USP15: variants seen among roughly 807,000 people sequenced by gnomAD.
USP15 encodes ubiquitin specific peptidase 15.
USP15 carries 18 observed loss-of-function variants against 127.1 expected under a neutral mutation model. That is an observed-to-expected ratio of 0.14 (90% CI 0.10 to 0.21). The LOEUF (loss-of-function observed/expected upper bound fraction) is 0.21. Among genes scored for constraint, USP15 ranks in the 10% least tolerant of loss-of-function variants. The probability of loss-of-function intolerance (pLI) is 1.00; values close to 1 mark genes in which losing one functional copy is unlikely to be tolerated. For missense variants in USP15, 805 were observed against 1,159.9 expected, an observed-to-expected ratio of 0.69 and a Z score of 4.44; for synonymous variants, 364 against 393.7, an observed-to-expected ratio of 0.92 and a Z score of 0.89.
At chr12:62,383,251 C>A (rs2067043597) in intron 9 of USP15, among the ~76,000 whole-genome samples, 1 of 151,846 alleles carries the variant, frequency 6.6e-6, no homozygotes, top group African/African-American at 2.4e-5. Flanking sequence ...TTCCTCCAAG[C>A]CTTTGTTCAC....
intron 5 of USP15, among the ~76,000 whole-genome samples, chr12:62,323,649 A>G (rs1019714170): frequency 2.6e-5 from 4 of 152,214 alleles, no homozygotes; most frequent in Non-Finnish European, 5.9e-5. Context: ...TCCAGTAGAC[A>G]TAACCTCTCT....
intron 4 of USP15, among the ~76,000 whole-genome samples, chr12:62,319,442 C>G (rs1214229318): frequency 2.6e-5 from 4 of 152,134 alleles, no homozygotes; most frequent in African/African-American, 9.7e-5. Flanking sequence ...CATATCATGC[C>G]ACTTCTCTTC....
chr12:62,364,423 A>G (rs1194965654), intron 8 of USP15, among the ~76,000 whole-genome samples: 1 of 152,246 alleles, frequency 6.6e-6, no homozygotes, highest in African/African-American at 2.4e-5. Context: ...TGCATGGTGC[A>G]TAAAACAGAT....
At chr12:62,337,108 G>A (rs946262610) in intron 6 of USP15, among the ~76,000 whole-genome samples, 2 of 152,248 alleles carry the variant, frequency 1.3e-5, no homozygotes, top group Non-Finnish European at 2.9e-5. Flanking sequence ...AAACGCCTAA[G>A]TATTGGGAAG....
intron 6 of USP15, among the ~76,000 whole-genome samples, chr12:62,348,295 A>T (rs1447865181): frequency 6.6e-6 from 1 of 152,222 alleles, no homozygotes; most frequent in Non-Finnish European, 1.5e-5. Flanking sequence ...TGCATAATGC[A>T]TTGTAGATAT....
chr12:62,369,663 G>A (rs1195902075), intron 8 of USP15, among the ~76,000 whole-genome samples: 1 of 152,028 alleles, frequency 6.6e-6, no homozygotes, highest in Non-Finnish European at 1.5e-5. Context: ...TACTATATTT[G>A]ATACGTAATT....
intron 3 of USP15, among the ~76,000 whole-genome samples, chr12:62,312,097 TC>T (rs1168991144): frequency 6.7e-6 from 1 of 149,694 alleles, no homozygotes; most frequent in Non-Finnish European, 1.5e-5. Context: ...TTATCTGTTC[TC>T]ACTCAGGCTC....
At chr12:62,261,541 C>G (rs916437335) in intron 1 of USP15, among the ~76,000 whole-genome samples, 2 of 152,118 alleles carry the variant, frequency 1.3e-5, no homozygotes, top group Admixed American at 1.3e-4. Flanking sequence ...TGAGTTATGT[C>G]ACAGTTTCAC....
intron 1 of USP15, among the ~76,000 whole-genome samples, chr12:62,281,091 A>G (rs951614337): frequency 5.9e-5 from 9 of 152,154 alleles, no homozygotes; most frequent in Non-Finnish European, 1.0e-4. Context: ...ATTCCGTTCT[A>G]GTATTTTATC....
rs1479905493 is a variant in USP15 at position 62,390,756 on chromosome 12, AC to A, written c.1845-106del. 3 of 605,184 alleles carry A rather than the reference AC, an allele frequency of 5.0e-6. No homozygotes were observed. The East Asian group carries it at 8.9e-5, about 18-fold the overall frequency. The allele number at this position is 605,184 out of a possible 1,614,324, so 37.5% of individuals were successfully genotyped here. On this transcript the variant is annotated intron_variant, in intron 14 of 21. Coordinates refer to ENST00000280377, the MANE Select transcript of USP15 (RefSeq NM_001252078.2). Reference sequence around the variant, plus strand: ...AATTTATCTTTGAATCTACTAAGTGACCACTGTTACTGCATTAAAAAGTTTT... The same window carrying A: ...AATTTATCTTTGAATCTACTAAGTGACACTGTTACTGCATTAAAAAGTTTT...
chr12:62,326,947 T>C (rs1337250325), intron 6 of USP15, among the ~76,000 whole-genome samples: 1 of 151,732 alleles, frequency 6.6e-6, no homozygotes, highest in Admixed American at 6.6e-5. Flanking sequence ...CTGGCCAACA[T>C]GGTGAAACCC....
intron 1 of USP15, among the ~76,000 whole-genome samples, chr12:62,280,733 T>A (rs2063625730): frequency 6.6e-6 from 1 of 152,088 alleles, no homozygotes; most frequent in African/African-American, 2.4e-5. Context: ...GGGAATTTTC[T>A]AGGTAGAAGG....
At chr12:62,376,300 A>G (rs1010177058) in intron 8 of USP15, among the ~76,000 whole-genome samples, 2 of 152,058 alleles carry the variant, frequency 1.3e-5, no homozygotes, top group African/African-American at 2.4e-5. Context: ...AATTGGAACT[A>G]TTAGTACAAA....
intron 9 of USP15, 97 bp downstream of exon 9, chr12:62,381,760 G>C: frequency 8.1e-7 from 1 of 1,232,612 alleles, no homozygotes; most frequent in East Asian, 2.4e-5. Flanking sequence ...CTATTACAAT[G>C]GTTTGTGGCC....
At chr12:62,401,754 G>A (rs1164322815) in intron 21 of USP15, among the ~76,000 whole-genome samples, 2 of 151,458 alleles carry the variant, frequency 1.3e-5, no homozygotes, top group Non-Finnish European at 2.9e-5. Context: ...TAATACTTGT[G>A]TACTTACTAC....
intron 8 of USP15, among the ~76,000 whole-genome samples, chr12:62,368,230 T>A (rs939545037): frequency 1.3e-5 from 2 of 152,216 alleles, no homozygotes; most frequent in Admixed American, 6.5e-5. Flanking sequence ...TACTTCTTAT[T>A]ATTTGGTCAA....
At chr12:62,359,992 T>C (rs1046367065) in intron 8 of USP15, among the ~76,000 whole-genome samples, 4 of 152,128 alleles carry the variant, frequency 2.6e-5, no homozygotes, top group African/African-American at 9.7e-5. Context: ...TTTTGCATTA[T>C]TGGTGATAAT....
At chr12:62,335,410 G>A (rs906371463) in intron 6 of USP15, 2 of 1,385,520 alleles carry the variant, frequency 1.4e-6, no homozygotes, top group Non-Finnish European at 1.9e-6. Flanking sequence ...TAAAATTGTT[G>A]TACTTTACCT....
intron 1 of USP15, among the ~76,000 whole-genome samples, chr12:62,291,543 A>G (rs1256292161): frequency 1.3e-5 from 2 of 152,198 alleles, no homozygotes. Context: ...ATTGCTAGAG[A>G]GTTAGTGTGA....
Sources: gnomAD v4.1 joint callset for allele counts (sites outside exome capture counted in the v4.1 genomes callset) on GRCh38, gnomAD v4.1.1 for gene constraint, MANE v1.5 for transcripts, NCBI Gene and HGNC (gene_info 2026-07-23, HGNC 2026-07-21) for gene names.